PCSK2: variants seen among roughly 807,000 people sequenced by gnomAD.
PCSK2 encodes neuroendocrine convertase 2.
A neutral mutation model predicts 69.7 loss-of-function variants in PCSK2; 14 were observed. That is an observed-to-expected ratio of 0.20 (90% CI 0.13 to 0.31). The LOEUF (loss-of-function observed/expected upper bound fraction) is 0.31, where lower values mean the gene tolerates loss of function less well. Ranked by LOEUF, PCSK2 falls within the 10% of genes least tolerant of loss-of-function variation. The pLI is 1.00. For missense variants in PCSK2, 544 were observed against 842.5 expected (o/e 0.65, Z 4.39); for synonymous variants, 307 against 320.7 (o/e 0.96, Z 0.46).
At chr20:17,259,080 G>A (rs1326500532) in intron 1 of PCSK2, among the ~76,000 whole-genome samples, 2 of 151,938 alleles carry the variant, frequency 1.3e-5, no homozygotes, top group African/African-American at 4.8e-5. Flanking sequence ...AAAAATCTCA[G>A]ATTGGCCCCA....
At chr20:17,434,996 G>T (rs913491387) in intron 7 of PCSK2, among the ~76,000 whole-genome samples, 1 of 152,146 alleles carries the variant, frequency 6.6e-6, no homozygotes. Context: ...CTTATAAAAT[G>T]AACCATAAAA....
chr20:17,261,078 GC>G (rs1201012689), intron 2 of PCSK2, among the ~76,000 whole-genome samples: 1 of 151,984 alleles, frequency 6.6e-6, no homozygotes, highest in African/African-American at 2.4e-5. Flanking sequence ...CCCACTTCTT[GC>G]CTTTCAGAAT....
intron 5 of PCSK2, among the ~76,000 whole-genome samples, chr20:17,399,509 G>A (rs1340194513): frequency 6.6e-6 from 1 of 152,152 alleles, no homozygotes; most frequent in Non-Finnish European, 1.5e-5. Flanking sequence ...TGCAACGTAA[G>A]CAACTGAAGC....
At chr20:17,452,967 G>C (rs1600592038) in intron 8 of PCSK2, among the ~76,000 whole-genome samples, 1 of 152,218 alleles carries the variant, frequency 6.6e-6, no homozygotes, top group Non-Finnish European at 1.5e-5. Context: ...AATAACTACT[G>C]TGCTTACTAC....
At chr20:17,470,008 G>C (rs2033173507) in intron 11 of PCSK2, among the ~76,000 whole-genome samples, 1 of 152,172 alleles carries the variant, frequency 6.6e-6, no homozygotes, top group Non-Finnish European at 1.5e-5. Flanking sequence ...ACAATGCCAA[G>C]GTCTGCCGTG....
intron 5 of PCSK2, among the ~76,000 whole-genome samples, chr20:17,402,108 C>T (rs1181832497): frequency 1.3e-5 from 2 of 152,222 alleles, no homozygotes; most frequent in Non-Finnish European, 1.5e-5. Context: ...CCGGAGGTGT[C>T]TGCCTCGGCT....
chr20:17,353,237 C>A (rs189287651), intron 2 of PCSK2, among the ~76,000 whole-genome samples: 1 of 135,298 alleles, frequency 7.4e-6, no homozygotes, highest in African/African-American at 2.9e-5. Flanking sequence ...CCAAGGCGGG[C>A]GGATCACGAG....
intron 2 of PCSK2, among the ~76,000 whole-genome samples, chr20:17,342,804 TTC>T (rs952095116): frequency 1.3e-5 from 2 of 151,984 alleles, no homozygotes; most frequent in African/African-American, 2.4e-5. Flanking sequence ...GCTAATTGTT[TTC>T]TTTTTCTTTT....
chr20:17,226,325 C>G (rs13037451), upstream of PCSK2: 10,702 of 152,102 alleles, frequency 0.07, 659 homozygotes, highest in South Asian at 0.31. Flanking sequence ...CTGGAGCCTA[C>G]AAAAAACAAG....
At chr20:17,440,690 G>C (rs574012680) in intron 8 of PCSK2, among the ~76,000 whole-genome samples, 1 of 152,090 alleles carries the variant, frequency 6.6e-6, no homozygotes, top group Non-Finnish European at 1.5e-5. Flanking sequence ...GTGAAACCCC[G>C]TCTCTACTAA....
At chr20:17,361,337 G>C (rs1230688890) in intron 4 of PCSK2, among the ~76,000 whole-genome samples, 2 of 152,186 alleles carry the variant, frequency 1.3e-5, no homozygotes, top group Non-Finnish European at 2.9e-5. Context: ...GCCTACCAAA[G>C]ACTTAGCAGA....
chr20:17,406,464 T>C lies in PCSK2; in HGVS notation c.544-2799T>C, dbSNP rs6136084. Among the ~76,000 whole-genome samples the C allele has an allele frequency of 2.0e-5, 3 of 152,178 alleles. No homozygotes were observed. In the East Asian group the frequency reaches 5.8e-4, roughly 29 times the overall value. On this transcript the variant is annotated intron_variant, in intron 5 of 11. Coordinates refer to ENST00000262545, the MANE Select transcript of PCSK2 (RefSeq NM_002594.5). ...AATAATTGGGGTTCCTGAGTTATCA[T>C]CCATTTCAACATTCAGAGGCCAATT... is the stretch of plus-strand genomic sequence containing the variant.
chr20:17,300,152 A>G (rs1191855770), intron 2 of PCSK2, among the ~76,000 whole-genome samples: 2 of 152,222 alleles, frequency 1.3e-5, no homozygotes, highest in African/African-American at 4.8e-5. Context: ...TGGTCACAAC[A>G]TCCAGCCTGA....
chr20:17,479,090 GA>G, intron 11 of PCSK2: 1 of 1,296,692 alleles, frequency 7.7e-7, no homozygotes, highest in Non-Finnish European at 1.1e-6. Flanking sequence ...GTCAGTTAAA[GA>G]ACAGCAATGG....
chr20:17,430,810 A>C (rs899729762), intron 7 of PCSK2, among the ~76,000 whole-genome samples: 1 of 152,198 alleles, frequency 6.6e-6, no homozygotes, highest in Non-Finnish European at 1.5e-5. Flanking sequence ...CAACTGAAAA[A>C]TTCAAACCTG....
At chr20:17,391,494 A>G (rs1379992891) in intron 5 of PCSK2, among the ~76,000 whole-genome samples, 2 of 152,216 alleles carry the variant, frequency 1.3e-5, no homozygotes, top group African/African-American at 4.8e-5. Flanking sequence ...GTGTTGTGCC[A>G]ATTACTGTAA....
intron 11 of PCSK2, among the ~76,000 whole-genome samples, chr20:17,467,239 C>T (rs1300715234): frequency 6.6e-6 from 1 of 152,238 alleles, no homozygotes; most frequent in Non-Finnish European, 1.5e-5. Flanking sequence ...AATTCTCAAC[C>T]TTTGTGCCCT....
chr20:17,402,333 A>T (rs1263162877), intron 5 of PCSK2, among the ~76,000 whole-genome samples: 1 of 152,228 alleles, frequency 6.6e-6, no homozygotes, highest in Non-Finnish European at 1.5e-5. Flanking sequence ...TCTGCTGATA[A>T]TGGTGGCAAT....
intron 2 of PCSK2, among the ~76,000 whole-genome samples, chr20:17,355,364 A>C (rs1006736783): frequency 6.6e-6 from 1 of 152,210 alleles, no homozygotes; most frequent in African/African-American, 2.4e-5. Context: ...GAAGTTATTT[A>C]CGACAAGGAG....
Sources: allele counts gnomAD v4.1 joint callset (sites outside exome capture counted in the v4.1 genomes callset), GRCh38; gene constraint gnomAD v4.1.1; transcripts MANE v1.5; gene names NCBI Gene and HGNC (gene_info 2026-07-23, HGNC 2026-07-21).